The following PSMD5 variants were observed in gnomAD, a reference collection of about 807,000 sequenced individuals.
The protein encoded by PSMD5 is 26S proteasome non-ATPase regulatory subunit 5.
In PSMD5, 40 loss-of-function variants were observed where a neutral mutation model predicts 52.1. That is an observed-to-expected ratio of 0.77 (90% CI 0.60 to 1.00). PSMD5 has a LOEUF of 1.00. Among genes scored for constraint, PSMD5 ranks in the 50% least tolerant of loss-of-function variants. PSMD5 has a pLI of 0.00. For missense variants in PSMD5, 575 were observed against 605.2 expected (o/e 0.95, Z 0.52); for synonymous variants, 211 against 226.6 (o/e 0.93, Z 0.62).
rs1208390860 is a variant in PSMD5 at position 120,816,595 on chromosome 9, T to G, written c.*1311A>C. 1 of 152,206 alleles carries G rather than the reference T, an allele frequency of 6.6e-6. No homozygotes were observed. Among genetic ancestry groups the G allele is most frequent in the African/African-American group, 2.4e-5 (1 of 41,454 alleles). 9.4% of individuals were successfully genotyped at this position (152,206 alleles called of 1,614,324 possible). A position where few individuals can be genotyped will look rare whatever the true frequency, so the allele number is the denominator to read the frequency against. ...GGGGACTAGATAATTCCAGTCACTT[T>G]AAAATAATTTTGTTACAAAGCAGGG... is the stretch of plus-strand genomic sequence containing the variant. On this transcript the variant is annotated 3_prime_UTR_variant, in exon 10 of 10. Coordinates refer to ENST00000210313, the MANE Select transcript of PSMD5 (RefSeq NM_005047.4).
At position 120,824,617 on chromosome 9, in the gene PSMD5, T is replaced by C. The variant is rs1481076325; in HGVS notation, c.883A>G (p.Ile295Val). The change falls in exon 7 of 10, where the codon ATC (isoleucine) becomes GTC (valine). Residue 295 changes from isoleucine (I) to valine (V), a missense_variant. Coordinates refer to ENST00000210313, the MANE Select transcript of PSMD5 (RefSeq NM_005047.4). Reference protein sequence around the residue: ...SPQQICERYPIFVEKVFEMIE... With the variant: ...SPQQICERYPVFVEKVFEMIE... Reference sequence around the variant, plus strand: ...ATTTCAAAGACTTTTTCCACAAAGATAGGATAACGCTCACAGATCTGTTGA... The same window carrying C: ...ATTTCAAAGACTTTTTCCACAAAGACAGGATAACGCTCACAGATCTGTTGA... 3.1e-6 allele frequency: 5 copies of C among 1,614,078 alleles called. No individual in the cohort carries two copies. In the Admixed American group the frequency reaches 6.7e-5, roughly 22 times the overall value.
chr9:120,839,740 T>G (rs911682200), intron 1 of PSMD5, among the ~76,000 whole-genome samples: 1 of 150,702 alleles, frequency 6.6e-6, no homozygotes, highest in Non-Finnish European at 1.5e-5. Context: ...TACAAAGTGG[T>G]TTTTTTTTCC....
chr9:120,827,561 GT>G (rs1049090931), intron 5 of PSMD5, among the ~76,000 whole-genome samples: 9 of 151,972 alleles, frequency 5.9e-5, no homozygotes, highest in Admixed American at 5.9e-4. Flanking sequence ...CCATTTACAG[GT>G]TTTTTTCTAT....
At chr9:120,823,510 C>CTTTTTTTTTTTTTTTT (rs1263218977) in intron 7 of PSMD5, among the ~76,000 whole-genome samples, 4 of 108,666 alleles carry the variant, frequency 3.7e-5, no homozygotes, top group African/African-American at 1.4e-4. Flanking sequence ...TACCTGGCCT[C>CTTTTTTTTTTTTTTTT]TTTTTTTTTT....
chr9:120,824,109 TAAAAAAAAAAAA>T (rs34305055), intron 7 of PSMD5: 2 of 111,940 alleles, frequency 1.8e-5, no homozygotes, highest in South Asian at 1.9e-4. Flanking sequence ...CTCAATCTCT[TAAAAAAAAAAAA>T]AAAAAAAAAA....
Position 120,818,116 on chromosome 9 carries a change from T to G in PSMD5, c.1305A>C (p.Pro435=), listed in dbSNP as rs764935803. 1 of 1,614,170 alleles carries G rather than the reference T, an allele frequency of 6.2e-7. No homozygotes were observed. The highest frequency in any genetic ancestry group is 8.5e-7 in the Non-Finnish European group (1 of 1,180,004). ...GGTCCACCACATATTCTACAAAACC[T>G]GGACTGTTAAACATAAGTTTCTGAG... ...PWAQKLMFNS[P]GFVEYVVDRS... The change falls in exon 10 of 10, where the codon CCA becomes CCC. Residue 435 remains proline, a synonymous_variant. Transcript: ENST00000210313.
rs1175718400 is a variant in PSMD5 at position 120,816,992 on chromosome 9, G to A, written c.*914C>T. ...TCTGATCCCCCAAAACCACAACAGG[G>A]CAAAGTTCATTGGTAAACAGCAAAA... On this transcript the variant is annotated 3_prime_UTR_variant, in exon 10 of 10. Transcript: ENST00000210313. 1 of 151,896 alleles carries A rather than the reference G, an allele frequency of 6.6e-6. No homozygotes were observed. Among genetic ancestry groups the A allele is most frequent in the Non-Finnish European group, 1.5e-5 (1 of 67,980 alleles). 9.4% of individuals were successfully genotyped at this position (151,896 alleles called of 1,614,324 possible). A position where few individuals can be genotyped will look rare whatever the true frequency, so the allele number is the denominator to read the frequency against.
At chr9:120,833,750 C>T (rs1310186087) in intron 1 of PSMD5, among the ~76,000 whole-genome samples, 1 of 135,950 alleles carries the variant, frequency 7.4e-6, no homozygotes, top group Non-Finnish European at 1.5e-5. Context: ...CTGATCTTGG[C>T]TCACTGCAAC....
intron 7 of PSMD5, among the ~76,000 whole-genome samples, chr9:120,822,963 G>T (rs1419847473): frequency 2.6e-5 from 4 of 152,020 alleles, no homozygotes; most frequent in East Asian, 3.9e-4. Context: ...CGAGTGGCTG[G>T]GACTATAGGC....
At chr9:120,841,762 CGAT>C (rs1232108201) in intron 1 of PSMD5, 2 of 152,166 alleles carry the variant, frequency 1.3e-5, no homozygotes, top group African/African-American at 4.8e-5. Flanking sequence ...GTGCCACACA[CGAT>C]ATGTTATATT....
chr9:120,827,044 C>T (rs927017203), intron 5 of PSMD5, 137 bp from the exon 6 acceptor site: 2 of 860,206 alleles, frequency 2.3e-6, no homozygotes, highest in East Asian at 2.9e-5. Context: ...CCTCTTTTCA[C>T]ATGAAGCCCT....
At chr9:120,833,672 CTTTTTTTTTTT>C (rs71385094) in intron 1 of PSMD5, among the ~76,000 whole-genome samples, 1 of 85,620 alleles carries the variant, frequency 1.2e-5, no homozygotes, top group Non-Finnish European at 2.1e-5. Context: ...CTCTAGTCTT[CTTTTTTTTTTT>C]TTTTTTTTTT....
At chr9:120,829,852 TTCAC>T (rs2045148225) in intron 4 of PSMD5, among the ~76,000 whole-genome samples, 1 of 151,936 alleles carries the variant, frequency 6.6e-6, no homozygotes. Context: ...CAGTCAGTCA[TTCAC>T]TCACTCATTC....
intron 4 of PSMD5, among the ~76,000 whole-genome samples, chr9:120,829,409 T>A (rs889643378): frequency 2.6e-5 from 4 of 152,082 alleles, no homozygotes; most frequent in African/African-American, 7.2e-5. Context: ...TATTATTATT[T>A]TTGAGACAGA....
intron 1 of PSMD5, among the ~76,000 whole-genome samples, chr9:120,841,578 AAAAC>A (rs796395813): frequency 2.3e-4 from 34 of 149,082 alleles, no homozygotes; most frequent in South Asian, 1.9e-3. Flanking sequence ...GACTCGTCTG[AAAAC>A]AAACAAACAA....
Position 120,831,462 on chromosome 9 carries a change from T to C in PSMD5, c.433-3A>G. ...ATTCTTGACAGGGATTTGATAGCCT[T>C]ATAACGAAAGAAAATATCTCTTACA... On this transcript the variant is annotated splice_region_variant and splice_polypyrimidine_tract_variant and intron_variant, in intron 3 of 9. Transcript: ENST00000210313. 1.3e-6 allele frequency: 2 copies of C among 1,597,064 alleles called. No homozygotes were observed. Among genetic ancestry groups the C allele is most frequent in the South Asian group, 2.3e-5 (2 of 88,064 alleles).
chr9:120,832,219 C>T (rs551091632), intron 2 of PSMD5, among the ~76,000 whole-genome samples: 1 of 152,172 alleles, frequency 6.6e-6, no homozygotes, highest in Non-Finnish European at 1.5e-5. Flanking sequence ...TGTTTAGCTA[C>T]ACTGACCTTG....
intron 1 of PSMD5, among the ~76,000 whole-genome samples, chr9:120,837,371 C>T (rs2045205760): frequency 6.6e-6 from 1 of 151,878 alleles, no homozygotes; most frequent in African/African-American, 2.4e-5. Context: ...TCACTTTGTT[C>T]TTTTTTTTAG....
chr9:120,822,885 A>G (rs1198979043), intron 7 of PSMD5, among the ~76,000 whole-genome samples: 3 of 151,832 alleles, frequency 2.0e-5, no homozygotes, highest in African/African-American at 2.4e-5. Flanking sequence ...CTGCAGTGCA[A>G]CTGAGTGATC....
Sources: gnomAD v4.1 joint callset for allele counts (sites outside exome capture counted in the v4.1 genomes callset) on GRCh38, gnomAD v4.1.1 for gene constraint, MANE v1.5 for transcripts, NCBI Gene and HGNC (gene_info 2026-07-23, HGNC 2026-07-21) for gene names.